Variants in LOC400499 observed in about 807,000 individuals in gnomAD.
At chr16:11,503,695 C>A in the LOC400499 span, among the ~76,000 whole-genome samples, 5 of 152,260 alleles carry the variant, frequency 3.3e-5, no homozygotes, top group South Asian at 1.0e-3. Context: ...GGCCCACCTG[C>A]CAACGTGTCT....
the LOC400499 span, chr16:11,485,026 A>T: frequency 5.0e-6 from 2 of 399,078 alleles, no homozygotes; most frequent in Non-Finnish European, 8.8e-6. Flanking sequence ...ACTTCCTGCC[A>T]AACAGCCTGT....
chr16:11,387,026 G>T, the LOC400499 span: 1 of 1,075,302 alleles, frequency 9.3e-7, no homozygotes, highest in Non-Finnish European at 1.2e-6. Context: ...GCACTGTGAT[G>T]CTACTAGCCT....
At chr16:11,498,968 G>A in the LOC400499 span, among the ~76,000 whole-genome samples, 1 of 143,958 alleles carries the variant, frequency 6.9e-6, no homozygotes, top group Non-Finnish European at 1.5e-5. Flanking sequence ...ATGGGGCTGG[G>A]ATCTGAAATG....
chr16:11,384,714 G>A, the LOC400499 span, among the ~76,000 whole-genome samples: 2 of 152,252 alleles, frequency 1.3e-5, no homozygotes, highest in Admixed American at 1.3e-4. Context: ...TGGACATGGG[G>A]TCAATGGCAT....
the LOC400499 span, among the ~76,000 whole-genome samples, chr16:11,377,645 GAATA>G: frequency 6.6e-6 from 1 of 152,156 alleles, no homozygotes; most frequent in African/African-American, 2.4e-5. Context: ...TGCATTCCAG[GAATA>G]AATCTCACTT....
the LOC400499 span, among the ~76,000 whole-genome samples, chr16:11,422,333 G>A: frequency 6.6e-6 from 1 of 152,206 alleles, no homozygotes; most frequent in Non-Finnish European, 1.5e-5. Context: ...CTGGTAGGCA[G>A]AGGTTGCAGT....
the LOC400499 span, among the ~76,000 whole-genome samples, chr16:11,423,445 C>T: frequency 1.3e-5 from 2 of 152,232 alleles, no homozygotes; most frequent in Non-Finnish European, 2.9e-5. Context: ...TGAAGGTAAA[C>T]GGAGCTCCCA....
chr16:11,444,651 A>C, the LOC400499 span, among the ~76,000 whole-genome samples: 1 of 152,160 alleles, frequency 6.6e-6, no homozygotes, highest in African/African-American at 2.4e-5. Flanking sequence ...CCTGGCATGC[A>C]ATGGGTGTTA....
the LOC400499 span, among the ~76,000 whole-genome samples, chr16:11,476,089 T>G: frequency 9.9e-5 from 14 of 141,770 alleles, no homozygotes; most frequent in Non-Finnish European, 1.9e-4. Context: ...GCAAAGGCCC[T>G]GGGGTAGGAA....
the LOC400499 span, among the ~76,000 whole-genome samples, chr16:11,497,048 G>A: frequency 3.3e-5 from 5 of 151,566 alleles, no homozygotes; most frequent in African/African-American, 7.3e-5. Flanking sequence ...GTGTGTACAC[G>A]TGATCCAGCA....
the LOC400499 span, among the ~76,000 whole-genome samples, chr16:11,510,081 G>A: frequency 6.6e-6 from 1 of 151,490 alleles, no homozygotes. Flanking sequence ...ATGGGTGATG[G>A]CAGAAACTGC....
chr16:11,519,763 T>C, the LOC400499 span, among the ~76,000 whole-genome samples: 1 of 151,278 alleles, frequency 6.6e-6, no homozygotes, highest in Non-Finnish European at 1.5e-5. Context: ...TGGAGTGCAA[T>C]GGCGCGATCT....
the LOC400499 span, among the ~76,000 whole-genome samples, chr16:11,474,229 A>T: frequency 6.6e-6 from 1 of 152,212 alleles, no homozygotes; most frequent in South Asian, 2.1e-4. Flanking sequence ...GTTGTGGGAC[A>T]AAGTGGCTAC....
the LOC400499 span, chr16:11,412,716 T>C: frequency 1.3e-5 from 5 of 396,290 alleles, no homozygotes; most frequent in East Asian, 3.6e-5. Context: ...TGAGCCTCCC[T>C]GCCCTTGTTT....
chr16:11,412,978 T>C, the LOC400499 span: 5,641 of 399,212 alleles, frequency 0.014, 49 homozygotes, highest in Non-Finnish European at 0.019. Flanking sequence ...GGCTGTGAGA[T>C]GTGTGGGTGT....
At chr16:11,424,799 T>C in the LOC400499 span, among the ~76,000 whole-genome samples, 2 of 152,144 alleles carry the variant, frequency 1.3e-5, no homozygotes, top group Admixed American at 6.5e-5. Context: ...GAGGGCATCC[T>C]TGGGGTCCTG....
chr16:11,517,610 CTG>C, the LOC400499 span, among the ~76,000 whole-genome samples: 3 of 152,224 alleles, frequency 2.0e-5, no homozygotes, highest in Non-Finnish European at 4.4e-5. Context: ...TGACTTGAGA[CTG>C]TCATTGTTGA....
At chr16:11,402,638 G>A in the LOC400499 span, among the ~76,000 whole-genome samples, 3 of 152,136 alleles carry the variant, frequency 2.0e-5, no homozygotes, top group Non-Finnish European at 1.5e-5. Flanking sequence ...ATGTCCTAGC[G>A]CAGCTGACAG....
chr16:11,484,373 T>C, the LOC400499 span, among the ~76,000 whole-genome samples: 1 of 152,164 alleles, frequency 6.6e-6, no homozygotes, highest in Non-Finnish European at 1.5e-5. Flanking sequence ...ATAAGCTTTA[T>C]CATGGTGATG....
Sources: gnomAD v4.1 joint callset for allele counts (sites outside exome capture counted in the v4.1 genomes callset) on GRCh38, gnomAD v4.1.1 for gene constraint, MANE v1.5 for transcripts.